WDFY3: variants seen among roughly 807,000 people sequenced by gnomAD.
WDFY3 encodes WD repeat and FYVE domain-containing protein 3.
In WDFY3, 66 loss-of-function variants were observed where a neutral mutation model predicts 409.6. The observed-to-expected ratio is 0.16, with a 90% CI of 0.13 to 0.20. The LOEUF is 0.20. WDFY3 is among the 10% of genes least tolerant of loss of function. The pLI is 1.00. For synonymous variants in WDFY3, 1,521 were observed against 1,537.1 expected, an observed-to-expected ratio of 0.99 and a Z score of 0.25; for missense variants, 3,031 against 4,298.1, an observed-to-expected ratio of 0.71 and a Z score of 8.24.
chr4:84,803,156 CT>C (rs929779271), intron 16 of WDFY3, 133 bp downstream of exon 16: 99 of 1,003,862 alleles, frequency 9.9e-5, no homozygotes, highest in African/African-American at 2.0e-4. Flanking sequence ...TAAAAAAATC[CT>C]TTTTTTTCCC....
chr4:84,798,072 A>C lies in WDFY3; in HGVS notation c.2859T>G (p.Gly953=). The C allele has an allele frequency of 6.2e-7, 1 of 1,613,520 alleles. No individual in the cohort carries two copies. The highest frequency in any genetic ancestry group is 8.5e-7 in the Non-Finnish European group (1 of 1,179,720). The change falls in exon 18 of 68, where the codon GGT becomes GGG. Residue 953 remains glycine, a synonymous_variant. Transcript: ENST00000295888. ...GTTTTAGCAGTTTTTTGTCCCAGGC[A>C]CCACAATTTAAAGGACTTGCCAAAC... ...FLRLASPLNC[G]AWDKKLLKQY...
At chr4:84,883,814 G>A (rs746278437) in intron 3 of WDFY3, among the ~76,000 whole-genome samples, 21 of 152,222 alleles carry the variant, frequency 1.4e-4, no homozygotes, top group Middle Eastern at 3.4e-3. Flanking sequence ...TCTACTTATT[G>A]TATTTCCAAT....
intron 29 of WDFY3, 25 bp downstream of exon 29, chr4:84,774,795 A>G: frequency 6.4e-7 from 1 of 1,574,488 alleles, no homozygotes; most frequent in East Asian, 2.2e-5. Context: ...TAATAAAAAG[A>G]CAAAGACAAA....
At chr4:84,748,526 T>G (rs1256540650) in intron 36 of WDFY3, among the ~76,000 whole-genome samples, 1 of 152,106 alleles carries the variant, frequency 6.6e-6, no homozygotes, top group Non-Finnish European at 1.5e-5. Context: ...CTTGGGAAGA[T>G]GAAAATGCTT....
chr4:84,775,519 G>A (rs1350784531), intron 27 of WDFY3, among the ~76,000 whole-genome samples: 2 of 150,904 alleles, frequency 1.3e-5, no homozygotes, highest in South Asian at 2.1e-4. Flanking sequence ...AGATACTTCC[G>A]AAAAAAAATT....
At position 84,774,700 on chromosome 4, in the gene WDFY3, G is replaced by A. The variant is rs940420131; in HGVS notation, c.4754+120C>T. The A allele has an allele frequency of 2.1e-5, 22 of 1,024,878 alleles. 1 individual carries two copies. Among genetic ancestry groups the A allele is most frequent in the East Asian group, 5.2e-5 (2 of 38,432 alleles). 63.5% of individuals were successfully genotyped at this position (1,024,878 alleles called of 1,614,324 possible). A position where few individuals can be genotyped will look rare whatever the true frequency, so the allele number is the denominator to read the frequency against. ...CCATGCGTCATAAATATTTTGAATC[G>A]TATTAACATTACAGGTGTTATTACA... On this transcript the variant is annotated intron_variant, in intron 29 of 67. Transcript: ENST00000295888.
At chr4:84,708,783 C>T (rs1428448304) in intron 53 of WDFY3, 126 bp downstream of exon 53, 17 of 988,138 alleles carry the variant, frequency 1.7e-5, no homozygotes, top group Middle Eastern at 3.1e-4. Context: ...TCAAGTGATT[C>T]GCCTCTCTTA....
Position 84,672,771 on chromosome 4 carries a change from T to C in WDFY3, c.*97A>G. ...ACTTCAAACACGTGGTATGAAGAGATGTGTAAACGGAGACTGTTTTCAATG... is the reference window on the plus strand; with the variant it reads ...ACTTCAAACACGTGGTATGAAGAGACGTGTAAACGGAGACTGTTTTCAATG... On this transcript the variant is annotated 3_prime_UTR_variant, in exon 68 of 68. Coordinates refer to ENST00000295888, the MANE Select transcript of WDFY3 (RefSeq NM_014991.6). 4 of 1,501,196 alleles carry C rather than the reference T, an allele frequency of 2.7e-6. No homozygotes were observed. The highest frequency in any genetic ancestry group is 3.6e-6 in the Non-Finnish European group (4 of 1,107,880). 93.0% of individuals were successfully genotyped at this position (1,501,196 alleles called of 1,614,324 possible). A position where few individuals can be genotyped will look rare whatever the true frequency, so the allele number is the denominator to read the frequency against.
intron 52 of WDFY3, 31 bp from the exon 53 acceptor site, chr4:84,709,059 T>G: frequency 6.2e-7 from 1 of 1,611,464 alleles, no homozygotes; most frequent in Admixed American, 1.7e-5. Context: ...ATTTTTGAGC[T>G]ATCGATTATT....
chr4:84,696,856 A>G (rs776562928), intron 56 of WDFY3, 33 bp from the exon 57 acceptor site: 4 of 1,573,512 alleles, frequency 2.5e-6, no homozygotes, highest in Non-Finnish European at 1.7e-6. Context: ...AATAAAAAAA[A>G]AGAAAGAATG....
intron 4 of WDFY3, among the ~76,000 whole-genome samples, chr4:84,853,329 C>A (rs762843538): frequency 2.0e-5 from 3 of 152,004 alleles, no homozygotes; most frequent in African/African-American, 4.8e-5. Flanking sequence ...CACCACCACA[C>A]CCGGCTAATT....
chr4:84,685,939 C>T (rs943655990), intron 62 of WDFY3, among the ~76,000 whole-genome samples: 1 of 152,196 alleles, frequency 6.6e-6, no homozygotes, highest in Non-Finnish European at 1.5e-5. Flanking sequence ...CTCAACACTG[C>T]TGCATAAGAG....
chr4:84,938,689 GA>G (rs1386958567), intron 1 of WDFY3, among the ~76,000 whole-genome samples: 1 of 152,082 alleles, frequency 6.6e-6, no homozygotes, highest in Admixed American at 6.6e-5. Flanking sequence ...CAAACTTACA[GA>G]AAAGTTAGTA....
At chr4:84,705,560 C>T in intron 53 of WDFY3, 49 bp from the exon 54 acceptor site, 1 of 1,433,718 alleles carries the variant, frequency 7.0e-7, no homozygotes, top group East Asian at 2.3e-5. Context: ...CACTATCTAG[C>T]CTCACTAACG....
intron 43 of WDFY3, 35 bp downstream of exon 43, chr4:84,735,008 T>TAAAACAAACCATTATGATGATTATAAGTC (rs1310886688): frequency 6.3e-7 from 1 of 1,578,776 alleles, no homozygotes; most frequent in Admixed American, 1.7e-5. Context: ...ACAAAAAATG[T>TAAAACAAACCATTATGATGATTATAAGTC]AAAACAAACC....
chr4:84,866,302 G>A (rs887102775), intron 3 of WDFY3, among the ~76,000 whole-genome samples: 5 of 152,166 alleles, frequency 3.3e-5, no homozygotes, highest in African/African-American at 1.2e-4. Flanking sequence ...TCGTAAAGAT[G>A]AATCAAGGTT....
intron 2 of WDFY3, among the ~76,000 whole-genome samples, chr4:84,929,778 A>AGGG (rs1770504597): frequency 6.6e-6 from 1 of 152,020 alleles, no homozygotes; most frequent in East Asian, 1.9e-4. Flanking sequence ...GGATGTGGTG[A>AGGG]TGCACACCTG....
chr4:84,738,002 C>A (rs1306234491), intron 40 of WDFY3, among the ~76,000 whole-genome samples: 1 of 152,128 alleles, frequency 6.6e-6, no homozygotes, highest in Non-Finnish European at 1.5e-5. Flanking sequence ...GCTATGAGAA[C>A]CAACGCCACT....
intron 7 of WDFY3, 81 bp downstream of exon 7, chr4:84,836,848 G>T (rs911287751): frequency 8.2e-7 from 1 of 1,213,976 alleles, no homozygotes; most frequent in Non-Finnish European, 1.1e-6. Flanking sequence ...TTAAAAAATG[G>T]AATATGTAAA....
Sources: allele counts gnomAD v4.1 joint callset (sites outside exome capture counted in the v4.1 genomes callset), GRCh38; gene constraint gnomAD v4.1.1; transcripts MANE v1.5; gene names NCBI Gene and HGNC (gene_info 2026-07-23, HGNC 2026-07-21).